The following MGAT5 variants were observed in gnomAD, a reference collection of about 807,000 sequenced individuals.
MGAT5 encodes the protein alpha-1,6-mannosylglycoprotein 6-beta-N-acetylglucosaminyltransferase.
In MGAT5, 30 loss-of-function variants were observed where a neutral mutation model predicts 94.3. That is an observed-to-expected ratio of 0.32 (90% CI 0.24 to 0.43). The LOEUF is 0.43. Ranked by LOEUF, MGAT5 falls within the 20% of genes least tolerant of loss-of-function variation. The probability of loss-of-function intolerance (pLI) is 1.00; values close to 1 mark genes in which losing one functional copy is unlikely to be tolerated. For missense variants in MGAT5, 691 were observed against 905.5 expected (o/e 0.76, Z 3.04); for synonymous variants, 310 against 322.9 (o/e 0.96, Z 0.43).
intron 1 of MGAT5, among the ~76,000 whole-genome samples, chr2:134,143,763 A>G (rs1342179247): frequency 1.3e-5 from 2 of 152,228 alleles, no homozygotes; most frequent in Non-Finnish European, 1.5e-5. Context: ...CCTGGTAACA[A>G]TGTTTATGTG....
chr2:134,152,746 A>G (rs554383792), intron 1 of MGAT5, among the ~76,000 whole-genome samples: 102 of 152,342 alleles, frequency 6.7e-4, no homozygotes, highest in African/African-American at 2.3e-3. Flanking sequence ...TTTTAAAAGA[A>G]AAGTATGAAT....
At chr2:134,309,022 C>T (rs948189026) in intron 2 of MGAT5, among the ~76,000 whole-genome samples, 1 of 152,144 alleles carries the variant, frequency 6.6e-6, no homozygotes, top group Non-Finnish European at 1.5e-5. Flanking sequence ...ACCACGAATT[C>T]ACTCTCTCTC....
chr2:134,218,703 C>T (rs567039292), intron 1 of MGAT5, among the ~76,000 whole-genome samples: 2 of 152,062 alleles, frequency 1.3e-5, no homozygotes, highest in South Asian at 4.1e-4. Context: ...ATTTTATCAG[C>T]CAAAGCAAGG....
intron 2 of MGAT5, among the ~76,000 whole-genome samples, chr2:134,282,480 T>C (rs11899700): frequency 0.19 from 29,094 of 152,230 alleles, 3,536 homozygotes; most frequent in African/African-American, 0.33. Context: ...GGAGGGATGC[T>C]CTGCTGAAAA....
chr2:134,298,842 G>A (rs572818830), intron 2 of MGAT5, among the ~76,000 whole-genome samples: 2 of 152,238 alleles, frequency 1.3e-5, no homozygotes, highest in South Asian at 4.1e-4. Context: ...TGAGTGTTCT[G>A]TATGAAAGAC....
chr2:134,302,008 G>T (rs1167968579), intron 2 of MGAT5, among the ~76,000 whole-genome samples: 2 of 152,136 alleles, frequency 1.3e-5, no homozygotes, highest in East Asian at 3.9e-4. Context: ...TAGGGTAGGG[G>T]TTGACAAACT....
chr2:134,278,525 G>C (rs190308330), intron 2 of MGAT5, among the ~76,000 whole-genome samples: 2 of 152,284 alleles, frequency 1.3e-5, no homozygotes, highest in Admixed American at 1.3e-4. Context: ...GGGAATTCAT[G>C]GTATAGGAGA....
At position 134,325,267 on chromosome 2, in the gene MGAT5, G is replaced by C. The variant is rs1394480121; in HGVS notation, c.573+6528G>C. On this transcript the variant is annotated intron_variant, in intron 4 of 15. Coordinates refer to ENST00000281923, the MANE Select transcript of MGAT5 (RefSeq NM_002410.5). ...CTGCTTCTTGGAACACATGTGGCAGGATGGGGCTTCAATGCTGTCATCTCC... is the reference window on the plus strand; with the variant it reads ...CTGCTTCTTGGAACACATGTGGCAGCATGGGGCTTCAATGCTGTCATCTCC... Among the ~76,000 whole-genome samples, 5 of 152,204 alleles carry C rather than the reference G, an allele frequency of 3.3e-5. No individual in the cohort carries two copies. In the East Asian group the frequency reaches 5.8e-4, roughly 18 times the overall value.
intron 1 of MGAT5, among the ~76,000 whole-genome samples, chr2:134,139,500 C>A (rs1686568971): frequency 5.9e-5 from 9 of 152,146 alleles, no homozygotes; most frequent in Admixed American, 5.2e-4. Context: ...GGGCTTGTGA[C>A]AAGCCTTTGT....
At chr2:134,330,083 C>T (rs558476769) in intron 4 of MGAT5, among the ~76,000 whole-genome samples, 9 of 152,048 alleles carry the variant, frequency 5.9e-5, no homozygotes, top group South Asian at 2.1e-4. Context: ...TATATATAAG[C>T]GTAATCAGTG....
At chr2:134,350,230 A>C (rs181329717) in intron 9 of MGAT5, among the ~76,000 whole-genome samples, 1 of 152,336 alleles carries the variant, frequency 6.6e-6, no homozygotes, top group African/African-American at 2.4e-5. Context: ...CAGTTACTTT[A>C]GATTGGCAGG....
chr2:134,252,132 C>T (rs557145673), upstream of MGAT5, among the ~76,000 whole-genome samples: 37 of 152,296 alleles, frequency 2.4e-4, no homozygotes, highest in African/African-American at 8.4e-4. Flanking sequence ...GAAAGGAACA[C>T]TGCAGGCTGG....
intron 1 of MGAT5, among the ~76,000 whole-genome samples, chr2:134,238,038 T>A (rs2680730): frequency 6.6e-6 from 1 of 151,868 alleles, no homozygotes; most frequent in Non-Finnish European, 1.5e-5. Flanking sequence ...CGTGAGCCAC[T>A]GCGCCCGGCC....
intron 8 of MGAT5, 111 bp from the exon 9 acceptor site, chr2:134,349,691 CTAT>C: frequency 1.7e-6 from 2 of 1,175,304 alleles, no homozygotes; most frequent in Non-Finnish European, 2.4e-6. Context: ...GGTCCTGCTT[CTAT>C]TTAAAAGGAT....
At chr2:134,143,400 T>G (rs1686753583) in intron 1 of MGAT5, among the ~76,000 whole-genome samples, 1 of 151,846 alleles carries the variant, frequency 6.6e-6, no homozygotes, top group South Asian at 2.1e-4. Flanking sequence ...GGGCAGGGAG[T>G]GAAGTGGGTT....
rs1378935946 is a variant in MGAT5, at chr2:134,268,202, G to T, written c.242-2184G>T. Among the ~76,000 whole-genome samples the T allele has an allele frequency of 6.6e-6, 1 of 152,178 alleles. No individual in the cohort carries two copies. On this transcript the variant is annotated intron_variant, in intron 1 of 15. Transcript: ENST00000281923. The surrounding 1 kb of genome is among the most constrained non-coding windows in gnomAD (Gnocchi z 4.1). Reference sequence around the variant, plus strand: ...AAATCCTGAGTTAAGTCACACTAGAGGGCCAGGGCTTCTGTGCTTGGCCAA... The same window carrying T: ...AAATCCTGAGTTAAGTCACACTAGATGGCCAGGGCTTCTGTGCTTGGCCAA...
chr2:134,420,446 G>A (rs539578339), intron 12 of MGAT5, among the ~76,000 whole-genome samples: 1 of 152,332 alleles, frequency 6.6e-6, no homozygotes, highest in South Asian at 2.1e-4. Flanking sequence ...GCTGCTGCTG[G>A]ATAGAGGCCC....
chr2:134,378,648 C>G (rs964197669), intron 10 of MGAT5, among the ~76,000 whole-genome samples: 6 of 146,284 alleles, frequency 4.1e-5, no homozygotes, highest in African/African-American at 1.5e-4. Context: ...CAGAATCTCA[C>G]TCTGTCGCCC....
intron 1 of MGAT5, among the ~76,000 whole-genome samples, chr2:134,201,816 C>CTTTT (rs554227745): frequency 0.044 from 2,989 of 67,706 alleles, 452 homozygotes; most frequent in Non-Finnish European, 0.056. Flanking sequence ...CCAAGCGCTG[C>CTTTT]TTTTTTTTTT....
Sources: gnomAD v4.1 joint callset for allele counts (sites outside exome capture counted in the v4.1 genomes callset) on GRCh38, gnomAD v4.1.1 for gene constraint, Gnocchi (gnomAD v3.1) non-coding constraint, MANE v1.5 for transcripts, NCBI Gene and HGNC (gene_info 2026-07-23, HGNC 2026-07-21) for gene names.